Variants in GPSM1 observed in about 807,000 individuals in gnomAD.
The protein encoded by GPSM1 is G protein-signaling modulator 1.
Under a neutral mutation model 70.5 loss-of-function variants are expected in GPSM1, and 48 were observed. The observed-to-expected ratio is 0.68, with a 90% CI of 0.54 to 0.87. The LOEUF is 0.87. Among genes scored for constraint, GPSM1 ranks in the 40% least tolerant of loss-of-function variants. The pLI is 0.00. For missense variants in GPSM1, 981 were observed against 972.6 expected (o/e 1.01, Z -0.11); for synonymous variants, 416 against 430.1 (o/e 0.97, Z 0.41).
rs1488727276 is a variant in GPSM1 at position 136,339,782 on chromosome 9, C to G, written c.1050C>G (p.Thr350=). 2.5e-5 allele frequency: 39 copies of G among 1,549,588 alleles called. No homozygotes were observed. The highest frequency in any genetic ancestry group is 1.7e-4 in the Middle Eastern group (1 of 5,984). ...TGGGGCGCCCAGCGCAGGCCCTGAC[C>G]TTCGCCAAGAAGCACCTGCAGATCT... The part of the protein sequence containing the change: ...VSMGRPAQAL[T]FAKKHLQISQ... The change falls in exon 8 of 14, where the codon ACC becomes ACG. Residue 350 remains threonine (T), a synonymous_variant. Coordinates refer to ENST00000440944, the MANE Select transcript of GPSM1 (RefSeq NM_001145638.3).
At chr9:136,357,958 C>A in intron 13 of GPSM1, 56 bp from the exon 14 acceptor site, 1 of 1,411,778 alleles carries the variant, frequency 7.1e-7, no homozygotes, top group Non-Finnish European at 1.0e-6. Context: ...TGCTGACCAG[C>A]CCCGGACCAC....
intron 1 of GPSM1, among the ~76,000 whole-genome samples, chr9:136,331,667 A>G (rs1398620851): frequency 6.6e-6 from 1 of 152,184 alleles, no homozygotes; most frequent in Non-Finnish European, 1.5e-5. Flanking sequence ...TGGGAACTGG[A>G]TAAACGTTTG....
At position 136,342,886 on chromosome 9, in the gene GPSM1, G is replaced by A. The variant is rs1554770580; in HGVS notation, c.1207+1893G>A. Among the ~76,000 whole-genome samples, 1 of 140,244 alleles carries A rather than the reference G, an allele frequency of 7.1e-6. No homozygotes were observed. The highest frequency in any genetic ancestry group is 2.6e-5 in the African/African-American group (1 of 38,570). The allele number at this position is 140,244 out of a possible 152,430, so 92.0% of individuals were successfully genotyped here. A position where few individuals can be genotyped will look rare whatever the true frequency, so the allele number is the denominator to read the frequency against. On this transcript the variant is annotated intron_variant, in intron 9 of 13. Coordinates refer to ENST00000440944, the MANE Select transcript of GPSM1 (RefSeq NM_001145638.3). This position sits in a 1 kb window ranked among gnomAD's most constrained non-coding sequence, Gnocchi z 5.5. ...GAGGAGGAAGTCGTCTGGAGGTGGG[G>A]CTTCAGCCCGGCGGGGACGCGGTGG... is the stretch of plus-strand genomic sequence containing the variant.
At position 136,341,787 on chromosome 9, in the gene GPSM1, C is replaced by T. The variant is rs187746780; in HGVS notation, c.1207+794C>T. ...AGGCTTGGATGTGGTGCTGGGCTGC[C>T]GGAGTTTCTTTTTCTTATCTTATTT... On this transcript the variant is annotated intron_variant, in intron 9 of 13. Transcript: ENST00000440944. This position sits in a 1 kb window ranked among gnomAD's most constrained non-coding sequence, Gnocchi z 6.7. The T allele has an allele frequency of 5.9e-4, 577 of 984,588 alleles. 1 individual carries two copies. In the African/African-American group the frequency reaches 9.4e-3, roughly 16 times the overall value. The allele number at this position is 984,588 out of a possible 1,614,324, so 61.0% of individuals were successfully genotyped here.
At chr9:136,349,840 A>T in intron 11 of GPSM1, 77 bp downstream of exon 11, 1 of 1,399,278 alleles carries the variant, frequency 7.1e-7, no homozygotes, top group Non-Finnish European at 9.6e-7. Flanking sequence ...ACTGCCAGCC[A>T]ACGGGGCCAG....
At chr9:136,352,541 CAGAG>C (rs535246751) in intron 11 of GPSM1, among the ~76,000 whole-genome samples, 1 of 152,212 alleles carries the variant, frequency 6.6e-6, no homozygotes, top group African/African-American at 2.4e-5. Flanking sequence ...AGGAATGAGA[CAGAG>C]AGGCAGCAAC....
At chr9:136,333,362 G>T (rs538900847) in intron 1 of GPSM1, among the ~76,000 whole-genome samples, 1 of 152,046 alleles carries the variant, frequency 6.6e-6, no homozygotes, top group East Asian at 2.0e-4. Context: ...GATGGAGGAG[G>T]ACACCAGGCC....
chr9:136,357,020 G>A (rs1311235538), intron 13 of GPSM1, among the ~76,000 whole-genome samples: 4 of 152,330 alleles, frequency 2.6e-5, no homozygotes, highest in African/African-American at 2.4e-5. Context: ...CACAGTGGAC[G>A]GCATGGGCGG....
At chr9:136,353,209 G>C (rs1360711574) in intron 11 of GPSM1, 1 of 651,042 alleles carries the variant, frequency 1.5e-6, no homozygotes. Flanking sequence ...GAGCACACGG[G>C]CCTCTGTGAA....
chr9:136,337,362 C>T lies in GPSM1; in HGVS notation c.579-79C>T, dbSNP rs150331666. 1.5e-4 allele frequency: 231 copies of T among 1,533,186 alleles called. 1 individual carries two copies. In the East Asian group the frequency reaches 2.7e-3, roughly 18 times the overall value. The allele number at this position is 1,533,186 out of a possible 1,614,324, so 95.0% of individuals were successfully genotyped here. ...CATGGCCCTGAGGCCGCATGGAGGCCGCTACTCAGCTCTTCTAGCCTGGGG... is the reference window on the plus strand; with the variant it reads ...CATGGCCCTGAGGCCGCATGGAGGCTGCTACTCAGCTCTTCTAGCCTGGGG... On this transcript the variant is annotated intron_variant, in intron 4 of 13. Transcript: ENST00000440944.
chr9:136,356,292 G>T (rs782298252), intron 12 of GPSM1, 50 bp from the exon 13 acceptor site: 15 of 1,374,820 alleles, frequency 1.1e-5, no homozygotes, highest in Non-Finnish European at 1.3e-5. Context: ...CCCGAGCCTC[G>T]GGCTTGACCC....
At position 136,343,543 on chromosome 9, in the gene GPSM1, T is replaced by G. The variant is rs1420571839; in HGVS notation, c.1207+2550T>G. On this transcript the variant is annotated intron_variant, in intron 9 of 13. Coordinates refer to ENST00000440944, the MANE Select transcript of GPSM1 (RefSeq NM_001145638.3). This position sits in a 1 kb window ranked among gnomAD's most constrained non-coding sequence, Gnocchi z 6.0. Reference sequence around the variant, plus strand: ...TGGGGGAGCATGCCACCAGCCTTCCTGGGAGAAGTCCCCTGAACGTCCCAA... The same window carrying G: ...TGGGGGAGCATGCCACCAGCCTTCCGGGGAGAAGTCCCCTGAACGTCCCAA... 2.0e-5 allele frequency among the ~76,000 whole-genome samples: 3 copies of G among 152,136 alleles called. No individual in the cohort carries two copies. Among genetic ancestry groups the G allele is most frequent in the Non-Finnish European group, 4.4e-5 (3 of 68,020 alleles).
At chr9:136,355,667 C>A in intron 11 of GPSM1, 23 bp from the exon 12 acceptor site, 1 of 1,606,902 alleles carries the variant, frequency 6.2e-7, no homozygotes, top group Non-Finnish European at 8.5e-7. Flanking sequence ...GCTTTGGCTG[C>A]GGTGACCCCA....
intron 11 of GPSM1, among the ~76,000 whole-genome samples, chr9:136,350,712 A>G (rs1832638925): frequency 6.6e-6 from 1 of 152,210 alleles, no homozygotes; most frequent in Non-Finnish European, 1.5e-5. Flanking sequence ...CGAGTGGAGC[A>G]GAGGGTCACA....
intron 2 of GPSM1, 29 bp downstream of exon 2, chr9:136,334,697 G>T: frequency 1.9e-6 from 3 of 1,573,488 alleles, no homozygotes; most frequent in Non-Finnish European, 2.6e-6. Context: ...GCTGGCGGGT[G>T]AGTGGGGCGG....
Position 136,358,470 on chromosome 9 carries a change from C to T in GPSM1, c.*250C>T, listed in dbSNP as rs1457972799. 2 of 553,932 alleles carry T rather than the reference C, an allele frequency of 3.6e-6. No individual in the cohort carries two copies. The highest frequency in any genetic ancestry group is 6.3e-6 in the Non-Finnish European group (2 of 318,054). The allele number at this position is 553,932 out of a possible 1,614,324, so 34.3% of individuals were successfully genotyped here. A position where few individuals can be genotyped will look rare whatever the true frequency, so the allele number is the denominator to read the frequency against. ...CCTGCCGCAGGCCGGACGGGGCCTT[C>T]GGCATGTCGGCCCCGACCTGGTGCT... On this transcript the variant is annotated 3_prime_UTR_variant, in exon 14 of 14. Coordinates refer to ENST00000440944, the MANE Select transcript of GPSM1 (RefSeq NM_001145638.3).
chr9:136,354,931 A>G, intron 11 of GPSM1: 1 of 1,025,530 alleles, frequency 9.8e-7, no homozygotes, highest in Non-Finnish European at 1.2e-6. Flanking sequence ...AAGGCTGGGG[A>G]GGCTGGCCCA....
chr9:136,333,543 C>T (rs1272004515), intron 1 of GPSM1, among the ~76,000 whole-genome samples: 1 of 152,196 alleles, frequency 6.6e-6, no homozygotes, highest in Non-Finnish European at 1.5e-5. Flanking sequence ...TTGTGCAGGG[C>T]CCAGGGTGAG....
chr9:136,354,725 C>T, intron 11 of GPSM1: 1 of 728,070 alleles, frequency 1.4e-6, no homozygotes, highest in Non-Finnish European at 1.7e-6. Context: ...GCCCTCCAGC[C>T]TCCCTTGTTT....
Sources: gnomAD v4.1 joint callset for allele counts (sites outside exome capture counted in the v4.1 genomes callset) on GRCh38, gnomAD v4.1.1 for gene constraint, Gnocchi (gnomAD v3.1) non-coding constraint, MANE v1.5 for transcripts, NCBI Gene and HGNC (gene_info 2026-07-23, HGNC 2026-07-21) for gene names.